Variants in AHNAK observed in about 807,000 individuals in gnomAD.
AHNAK encodes the protein AHNAK nucleoprotein, also known as neuroblast differentiation-associated protein AHNAK.
AHNAK carries 23 observed loss-of-function variants against 37.8 expected under a neutral mutation model. The observed-to-expected ratio is 0.61, with a 90% CI of 0.44 to 0.86. The LOEUF is 0.86. Ranked by LOEUF, AHNAK falls within the 40% of genes least tolerant of loss-of-function variation. The pLI, the probability that AHNAK is intolerant of heterozygous loss-of-function variation, is 0.00. For synonymous variants in AHNAK, 2,481 were observed against 2,636.3 expected, an observed-to-expected ratio of 0.94 and a Z score of 1.80; for missense variants, 7,411 against 7,319.4, an observed-to-expected ratio of 1.01 and a Z score of -0.46.
Position 62,485,969 on chromosome 11 carries a change from C to T in AHNAK, c.442+5763G>A, listed in dbSNP as rs539278285. Among the ~76,000 whole-genome samples, 172 of 145,002 alleles carry T rather than the reference C, an allele frequency of 1.2e-3. 3 individuals carry two copies. The highest frequency in any genetic ancestry group is 1.0e-3 in the Non-Finnish European group (67 of 66,984). The stretch of plus-strand genomic sequence containing the variant: ...CTGGGAGGCGGAGGTTGCAGTGAGC[C>T]GAGATTGCACCACTGCACTCCAGCC... On this transcript the variant is annotated intron_variant, in intron 5 of 5. Coordinates refer to the AHNAK transcript ENST00000257247.
chr11:62,529,209 C>T lies in AHNAK; in HGVS notation c.5208G>A (p.Leu1736=). ...KAEGPEVDVN[L]PKADIDVSGP... ...CAGACACATCAATGTCAGCCTTTGG[C>T]AGATTCACATCCACTTCAGGGCCCT... The change falls in exon 5 of 5, where the codon CTG becomes CTA. Residue 1736 remains leucine (L), a synonymous_variant. Transcript: ENST00000378024. 1 of 1,614,202 alleles carries T rather than the reference C, an allele frequency of 6.2e-7. No individual in the cohort carries two copies.
Position 62,522,279 on chromosome 11 carries a change from G to T in AHNAK, c.12138C>A (p.Ala4046=), listed in dbSNP as rs1265751244. 6.2e-7 allele frequency: 1 copy of T among 1,612,796 alleles called. No individual in the cohort carries two copies. Among genetic ancestry groups the T allele is most frequent in the African/African-American group, 1.3e-5 (1 of 74,490 alleles). ...CTGGGCCATGAACATCCACATCTGG[G>T]GCATCAATGTCCACTTTGGGGCCCT... The part of the protein sequence containing the change: ...DIKGPKVDID[A]PDVDVHGPDW... The change falls in exon 5 of 5, where the codon GCC becomes GCA. Residue 4046 remains alanine, a synonymous_variant. Coordinates refer to ENST00000378024, the MANE Select transcript of AHNAK (RefSeq NM_001620.3).
chr11:62,536,417 C>G, intron 2 of AHNAK, 52 bp downstream of exon 2: 1 of 273,462 alleles, frequency 3.7e-6, no homozygotes, highest in African/African-American at 2.2e-5. Context: ...CAGGGCCCAC[C>G]CTCCCCACAT....
At chr11:62,479,443 G>A (rs537110297) in intron 5 of AHNAK, among the ~76,000 whole-genome samples, 24 of 144,828 alleles carry the variant, frequency 1.7e-4, no homozygotes, top group Admixed American at 4.5e-4. Context: ...CTGGGATTAC[G>A]GGCGTGAGCT....
intron 5 of AHNAK, among the ~76,000 whole-genome samples, chr11:62,449,228 T>C (rs1161048398): frequency 6.6e-6 from 1 of 152,218 alleles, no homozygotes; most frequent in Non-Finnish European, 1.5e-5. Context: ...ATCCAGTGTA[T>C]TTCTGACAGC....
At chr11:62,440,968 C>T (rs1164642696) in intron 5 of AHNAK, among the ~76,000 whole-genome samples, 1 of 151,926 alleles carries the variant, frequency 6.6e-6, no homozygotes. Context: ...GAGTTCAAGA[C>T]TAGCCTGGAC....
chr11:62,462,908 G>A (rs1478926111), intron 5 of AHNAK, among the ~76,000 whole-genome samples: 1 of 152,022 alleles, frequency 6.6e-6, no homozygotes, highest in Non-Finnish European at 1.5e-5. Context: ...AGGCAGGCCA[G>A]TCACCTGAGG....
intron 5 of AHNAK, among the ~76,000 whole-genome samples, chr11:62,438,895 C>A (rs528436369): frequency 6.6e-6 from 1 of 152,060 alleles, no homozygotes; most frequent in Non-Finnish European, 1.5e-5. Context: ...TGAGAATGCT[C>A]ATATGATAAT....
At chr11:62,481,567 T>TA (rs959526851) in intron 5 of AHNAK, among the ~76,000 whole-genome samples, 5 of 151,936 alleles carry the variant, frequency 3.3e-5, no homozygotes, top group East Asian at 3.9e-4. Context: ...ACTCTTTATT[T>TA]TTTATTTATT....
chr11:62,535,613 A>G (rs1590685660), intron 3 of AHNAK, among the ~76,000 whole-genome samples: 1 of 150,826 alleles, frequency 6.6e-6, no homozygotes, highest in African/African-American at 2.4e-5. Context: ...GCGCCATTGC[A>G]CTCCAGCCTG....
chr11:62,480,682 AG>A (rs1939250772), intron 5 of AHNAK, among the ~76,000 whole-genome samples: 1 of 151,342 alleles, frequency 6.6e-6, no homozygotes. Flanking sequence ...AGAAAAGAAA[AG>A]AAAAAAAAGA....
Position 62,517,163 on chromosome 11 carries a change from A to T in AHNAK, c.17254T>A (p.Ser5752Thr), listed in dbSNP as rs1006214416. Residue 5752 changes from serine to threonine, a missense_variant, in exon 5 of 5, where the codon TCT (serine) becomes ACT (threonine). By Grantham distance (58) the Ser-to-Thr change is moderately conservative. Transcript: ENST00000378024. ...TCGGCCTCTGCCTCTCCTTCCAGAGAGCCCAGGCTGGCCTTTGAACTTTTC... is the reference window on the plus strand; with the variant it reads ...TCGGCCTCTGCCTCTCCTTCCAGAGTGCCCAGGCTGGCCTTTGAACTTTTC... ...DLKSSKASLG[S>T]LEGEAEAEAS... 1.2e-6 allele frequency: 2 copies of T among 1,613,196 alleles called. No homozygotes were observed. Among genetic ancestry groups the T allele is most frequent in the African/African-American group, 2.7e-5 (2 of 74,844 alleles).
rs1209260372 is a variant in AHNAK at position 62,516,184 on chromosome 11, G to A, written c.*560C>T. On this transcript the variant is annotated 3_prime_UTR_variant, in exon 5 of 5. Coordinates refer to ENST00000378024, the MANE Select transcript of AHNAK (RefSeq NM_001620.3). Reference sequence around the variant, plus strand: ...CAAACTGGCTGGGACCACCACCCCTGGGTGAAAGAAACAACACTAAAGAAC... The same window carrying A: ...CAAACTGGCTGGGACCACCACCCCTAGGTGAAAGAAACAACACTAAAGAAC... The A allele has an allele frequency of 7.8e-7, 1 of 1,289,134 alleles. No homozygotes were observed. 79.9% of individuals were successfully genotyped at this position (1,289,134 alleles called of 1,614,324 possible).
chr11:62,447,815 C>T (rs1176937061), intron 5 of AHNAK, among the ~76,000 whole-genome samples: 1 of 152,172 alleles, frequency 6.6e-6, no homozygotes, highest in African/African-American at 2.4e-5. Flanking sequence ...CAGTGAATAC[C>T]TGTCAGCACC....
Position 62,532,295 on chromosome 11 carries a change from C to A in AHNAK, c.2122G>T (p.Gly708Cys). ...TCATACTCTCCCTTCACCTTTGTAC[C>A]TTTCACGTGCAAATCTACATCAGGC... ...SMPDVDLHVKGTKVKGEYDVT... is the reference protein window; with the variant it reads ...SMPDVDLHVKCTKVKGEYDVT... Residue 708 changes from glycine to cysteine, a missense_variant, in exon 5 of 5, where the codon GGT becomes TGT. Physicochemically the swap from Gly to Cys is radical, Grantham distance 159. Transcript: ENST00000378024. 1.2e-6 allele frequency: 2 copies of A among 1,614,150 alleles called. No homozygotes were observed. The highest frequency in any genetic ancestry group is 8.5e-7 in the Non-Finnish European group (1 of 1,180,036).
At chr11:62,483,814 G>A (rs1444832863) in intron 5 of AHNAK, among the ~76,000 whole-genome samples, 1 of 148,238 alleles carries the variant, frequency 6.7e-6, no homozygotes, top group African/African-American at 2.5e-5. Context: ...AGCCAAGATT[G>A]TGCCACTGCA....
At chr11:62,503,985 A>T (rs1939760207) in intron 4 of AHNAK, among the ~76,000 whole-genome samples, 1 of 151,960 alleles carries the variant, frequency 6.6e-6, no homozygotes, top group Admixed American at 6.6e-5. Context: ...ACATGGTGAA[A>T]CCCCATCTCT....
At position 62,533,549 on chromosome 11, in the gene AHNAK, C is replaced by T. The variant is rs1390322059; in HGVS notation, c.868G>A (p.Glu290Lys). Reference protein sequence around the residue: ...ISSSLGGRAVEVQGPSLESGD... With the variant: ...ISSSLGGRAVKVQGPSLESGD... ...CTCTCCAGAGATGGGCCCTGTACCT[C>T]TACTGCCCTACCCCCAAGAGAAGAT... is the stretch of plus-strand genomic sequence containing the variant. The change falls in exon 5 of 5, where the codon GAG (glutamate) becomes AAG (lysine). Residue 290 changes from glutamate (E) to lysine (K), a missense_variant. By Grantham distance (56) the Glu-to-Lys change is moderately conservative. Coordinates refer to ENST00000378024, the MANE Select transcript of AHNAK (RefSeq NM_001620.3). The T allele has an allele frequency of 2.5e-6, 4 of 1,614,174 alleles. No individual in the cohort carries two copies. The highest frequency in any genetic ancestry group is 3.4e-6 in the Non-Finnish European group (4 of 1,180,038).
In AHNAK at chr11:62,524,114, T is replaced by C. The variant is rs1289123841; in HGVS notation, c.10303A>G (p.Ile3435Val). The C allele has an allele frequency of 1.9e-6, 3 of 1,613,994 alleles. No homozygotes were observed. Among genetic ancestry groups the C allele is most frequent in the African/African-American group, 2.7e-5 (2 of 74,884 alleles). The part of the protein sequence containing the change: ...KSPKVKGDLD[I>V]AGPNLEGDFK... Reference sequence around the variant, plus strand: ...TCACCTTCTAAATTGGGACCTGCAATATCTAAGTCTCCTTTGACTTTGGGA... The same window carrying C: ...TCACCTTCTAAATTGGGACCTGCAACATCTAAGTCTCCTTTGACTTTGGGA... The change falls in exon 5 of 5, where the codon ATT becomes GTT. Residue 3435 changes from isoleucine to valine, a missense_variant. Transcript: ENST00000378024.
Sources: allele counts gnomAD v4.1 joint callset (sites outside exome capture counted in the v4.1 genomes callset), GRCh38; gene constraint gnomAD v4.1.1; transcripts MANE v1.5; gene names NCBI Gene and HGNC (gene_info 2026-07-23, HGNC 2026-07-21).